The following XKR4 variants were observed in gnomAD, a reference collection of about 807,000 sequenced individuals.
XKR4 encodes XK related 4.
In XKR4, 12 loss-of-function variants were observed where a neutral mutation model predicts 53.9. The observed-to-expected ratio is 0.22, with a 90% CI of 0.14 to 0.36. The LOEUF is 0.36. Ranked by LOEUF, XKR4 falls within the 10% of genes least tolerant of loss-of-function variation. XKR4 has a pLI of 1.00. For synonymous variants in XKR4, 354 were observed against 362.4 expected (o/e 0.98, Z 0.26); for missense variants, 799 against 859.5 (o/e 0.93, Z 0.88).
chr8:55,311,568 T>G (rs1261359402), intron 1 of XKR4, among the ~76,000 whole-genome samples: 2 of 152,052 alleles, frequency 1.3e-5, no homozygotes, highest in African/African-American at 2.4e-5. Context: ...TGTAGGCTCT[T>G]AGGGTCTAAC....
chr8:55,393,039 T>A (rs1804464216), intron 2 of XKR4, among the ~76,000 whole-genome samples: 1 of 152,076 alleles, frequency 6.6e-6, no homozygotes, highest in African/African-American at 2.4e-5. Context: ...CTGGAAAGAA[T>A]AATAGAATTA....
intron 1 of XKR4, among the ~76,000 whole-genome samples, chr8:55,113,205 G>A (rs774775134): frequency 6.6e-6 from 1 of 152,124 alleles, no homozygotes; most frequent in Non-Finnish European, 1.5e-5. Context: ...GAAGCCTGAA[G>A]GTTTTATCTA....
intron 2 of XKR4, among the ~76,000 whole-genome samples, chr8:55,371,303 C>T (rs1804067025): frequency 6.6e-6 from 1 of 152,046 alleles, no homozygotes; most frequent in Non-Finnish European, 1.5e-5. Context: ...CGTGTCTGTG[C>T]AGCAATGCTG....
chr8:55,292,531 TTC>T (rs1361349859), intron 1 of XKR4, among the ~76,000 whole-genome samples: 1 of 152,162 alleles, frequency 6.6e-6, no homozygotes, highest in African/African-American at 2.4e-5. Flanking sequence ...GTAATGTGTG[TTC>T]TCTCTTTTTT....
chr8:55,452,122 C>T (rs1805458590), intron 2 of XKR4: 1 of 692,680 alleles, frequency 1.4e-6, no homozygotes, highest in Non-Finnish European at 2.6e-6. Flanking sequence ...GAGAAGGTGG[C>T]CCTGACATCC....
intron 2 of XKR4, among the ~76,000 whole-genome samples, chr8:55,505,440 A>G (rs983728037): frequency 2.6e-5 from 4 of 152,196 alleles, no homozygotes; most frequent in Non-Finnish European, 5.9e-5. Context: ...AGTCCCAGCT[A>G]CCTGAGAAGC....
chr8:55,445,934 A>C (rs1376217218), intron 2 of XKR4, among the ~76,000 whole-genome samples: 1 of 152,228 alleles, frequency 6.6e-6, no homozygotes, highest in African/African-American at 2.4e-5. Flanking sequence ...ATCTCCTAAC[A>C]GAAAAGGCCT....
At chr8:55,288,740 A>G (rs1818942097) in intron 1 of XKR4, among the ~76,000 whole-genome samples, 2 of 152,186 alleles carry the variant, frequency 1.3e-5, no homozygotes, top group Non-Finnish European at 2.9e-5. Flanking sequence ...GTTTCCCCAA[A>G]GGTAACATCT....
intron 1 of XKR4, among the ~76,000 whole-genome samples, chr8:55,232,179 A>G (rs1166596146): frequency 6.6e-6 from 1 of 152,092 alleles, no homozygotes; most frequent in African/African-American, 2.4e-5. Context: ...GGCCAAGGGG[A>G]GGGACCTCTG....
intron 2 of XKR4, among the ~76,000 whole-genome samples, chr8:55,395,677 G>A (rs147463659): frequency 6.6e-6 from 1 of 152,254 alleles, no homozygotes; most frequent in East Asian, 1.9e-4. Flanking sequence ...AGCAAGTGAT[G>A]AGGACGGAGA....
intron 2 of XKR4, among the ~76,000 whole-genome samples, chr8:55,429,377 T>A (rs1236915117): frequency 6.6e-6 from 1 of 152,048 alleles, no homozygotes; most frequent in Non-Finnish European, 1.5e-5. Flanking sequence ...AGTTTTAAAC[T>A]TCATAGCAAA....
Position 55,265,055 on chromosome 8 carries a change from C to T in XKR4, c.807-92623C>T, listed in dbSNP as rs142969624. 8.7e-3 allele frequency among the ~76,000 whole-genome samples: 1,321 copies of T among 152,288 alleles called. 20 individuals are homozygous for T. The highest frequency in any genetic ancestry group is 0.029 in the African/African-American group (1,223 of 41,554). Reference sequence around the variant, plus strand: ...AAGCATTTCTTTTGACCACTGTGTTCGCAATCATCCTAAGATGTCTGCTTG... The same window carrying T: ...AAGCATTTCTTTTGACCACTGTGTTTGCAATCATCCTAAGATGTCTGCTTG... On this transcript the variant is annotated intron_variant, in intron 1 of 2. Coordinates refer to ENST00000327381, the MANE Select transcript of XKR4 (RefSeq NM_052898.2).
chr8:55,312,564 C>CT (rs1425729414), intron 1 of XKR4, among the ~76,000 whole-genome samples: 1 of 152,144 alleles, frequency 6.6e-6, no homozygotes, highest in African/African-American at 2.4e-5. Context: ...ATAGTCAAAA[C>CT]TGCAGGCACT....
rs1253510260 is a variant in XKR4 at position 55,535,983 on chromosome 8, C to T, written c.*11756C>T. On this transcript the variant is annotated 3_prime_UTR_variant, in exon 3 of 3. Coordinates refer to ENST00000327381, the MANE Select transcript of XKR4 (RefSeq NM_052898.2). ...TTGTAAGTTACCCTTGTTTGTAGAA[C>T]ATGAACCACTTAACCATCCCTCCTT... 6.6e-6 allele frequency: 1 copy of T among 152,200 alleles called. No individual in the cohort carries two copies. Among genetic ancestry groups the T allele is most frequent in the Non-Finnish European group, 1.5e-5 (1 of 68,046 alleles). 9.4% of individuals were successfully genotyped at this position (152,200 alleles called of 1,614,324 possible).
intron 1 of XKR4, among the ~76,000 whole-genome samples, chr8:55,115,094 C>G (rs1816288015): frequency 6.6e-6 from 1 of 152,058 alleles, no homozygotes; most frequent in African/African-American, 2.4e-5. Flanking sequence ...AATCTCAGGC[C>G]CACCCTAGCC....
At chr8:55,494,543 T>C (rs2129402600) in intron 2 of XKR4, among the ~76,000 whole-genome samples, 1 of 152,284 alleles carries the variant, frequency 6.6e-6, no homozygotes, top group East Asian at 1.9e-4. Flanking sequence ...AGGAGTTTTA[T>C]TAAGTGATAG....
At chr8:55,451,421 G>A (rs1366992644) in intron 2 of XKR4, 1 of 1,136,834 alleles carries the variant, frequency 8.8e-7, no homozygotes, top group Non-Finnish European at 1.3e-6. Context: ...CTGGAGTAGC[G>A]GGGCATGGAG....
intron 1 of XKR4, among the ~76,000 whole-genome samples, chr8:55,168,076 T>G (rs545363265): frequency 2.0e-5 from 3 of 152,210 alleles, no homozygotes; most frequent in Non-Finnish European, 2.9e-5. Context: ...TGGGAAACTC[T>G]TAGATTCTTT....
At chr8:55,520,626 T>C (rs1317542089) in intron 2 of XKR4, among the ~76,000 whole-genome samples, 3 of 152,220 alleles carry the variant, frequency 2.0e-5, no homozygotes, top group Non-Finnish European at 4.4e-5. Flanking sequence ...GAAATTCTCA[T>C]TGCTAAAGCA....
Sources: gnomAD v4.1 joint callset for allele counts (sites outside exome capture counted in the v4.1 genomes callset) on GRCh38, gnomAD v4.1.1 for gene constraint, MANE v1.5 for transcripts, NCBI Gene and HGNC (gene_info 2026-07-23, HGNC 2026-07-21) for gene names.